SEMA5A: variants seen among roughly 807,000 people sequenced by gnomAD.
SEMA5A encodes semaphorin 5A.
SEMA5A carries 55 observed loss-of-function variants against 135.5 expected under a neutral mutation model. The ratio of observed to expected loss-of-function variants is 0.41; its 90% confidence interval spans 0.33 to 0.51. SEMA5A has a LOEUF of 0.51. Ranked by LOEUF, SEMA5A falls within the 20% of genes least tolerant of loss-of-function variation. The pLI is 0.37. For missense variants in SEMA5A, 1,290 were observed against 1,419.9 expected (o/e 0.91, Z 1.47); for synonymous variants, 580 against 546.5 (o/e 1.06, Z -0.85).
rs539286595 is a variant in SEMA5A, at chr5:9,196,511, G to A, written c.1068+657C>T. ...CTCTTTTTTAAGCTACCCAGTCGGT[G>A]GTGTTTTCTTACGGTAGTCCAAACT... On this transcript the variant is annotated intron_variant, in intron 10 of 22. Transcript: ENST00000382496. 2.0e-5 allele frequency among the ~76,000 whole-genome samples: 3 copies of A among 152,290 alleles called. No individual in the cohort carries two copies. In the South Asian group the frequency reaches 6.2e-4, roughly 32 times the overall value.
chr5:9,104,498 G>A (rs1579399743), intron 16 of SEMA5A, among the ~76,000 whole-genome samples: 1 of 152,234 alleles, frequency 6.6e-6, no homozygotes, highest in East Asian at 1.9e-4. Flanking sequence ...AGGGTTAAAA[G>A]GAAACACACA....
intron 1 of SEMA5A, among the ~76,000 whole-genome samples, chr5:9,531,026 G>T (rs1056371712): frequency 5.3e-5 from 8 of 152,102 alleles, no homozygotes; most frequent in African/African-American, 1.9e-4. Context: ...TATCCTGACT[G>T]CAAAGTGTTT....
chr5:9,404,281 C>T (rs559067022), intron 2 of SEMA5A, among the ~76,000 whole-genome samples: 1 of 152,080 alleles, frequency 6.6e-6, no homozygotes, highest in African/African-American at 2.4e-5. Context: ...TGTTCATTTT[C>T]CCACCTATGA....
intron 10 of SEMA5A, among the ~76,000 whole-genome samples, chr5:9,191,292 C>T (rs1341288059): frequency 1.3e-5 from 2 of 152,150 alleles, no homozygotes; most frequent in East Asian, 1.9e-4. Context: ...GAAATAAATT[C>T]AGAGCTGTGT....
intron 16 of SEMA5A, among the ~76,000 whole-genome samples, chr5:9,066,953 T>C (rs1737508453): frequency 6.6e-6 from 1 of 152,186 alleles, no homozygotes; most frequent in African/African-American, 2.4e-5. Context: ...TTCCTTTCAC[T>C]TAATGAGTAG....
Position 9,225,759 on chromosome 5 carries a change from G to A in SEMA5A, c.433-872C>T, listed in dbSNP as rs533213819. 1.4e-3 allele frequency among the ~76,000 whole-genome samples: 205 copies of A among 151,746 alleles called. 1 individual carries two copies. The highest frequency in any genetic ancestry group is 4.4e-3 in the Admixed American group (67 of 15,250). On this transcript the variant is annotated intron_variant, in intron 7 of 22. Coordinates refer to ENST00000382496, the MANE Select transcript of SEMA5A (RefSeq NM_003966.3). Reference sequence around the variant, plus strand: ...TAGCTAAGCGTCTTGGAGTCATTTCGTATGAATCCAGCTTCCCAAATGCTG... The same window carrying A: ...TAGCTAAGCGTCTTGGAGTCATTTCATATGAATCCAGCTTCCCAAATGCTG...
intron 1 of SEMA5A, among the ~76,000 whole-genome samples, chr5:9,492,601 C>T (rs1375736259): frequency 6.6e-6 from 1 of 152,172 alleles, no homozygotes; most frequent in Non-Finnish European, 1.5e-5. Context: ...CTAATGTTTG[C>T]AACATGCAAT....
intron 12 of SEMA5A, among the ~76,000 whole-genome samples, chr5:9,136,980 G>T (rs190327769): frequency 2.0e-5 from 3 of 152,074 alleles, no homozygotes; most frequent in Non-Finnish European, 4.4e-5. Context: ...ATGATCATCC[G>T]CCTCCTCTTT....
At chr5:9,295,217 G>C (rs527671823) in intron 5 of SEMA5A, among the ~76,000 whole-genome samples, 1 of 152,178 alleles carries the variant, frequency 6.6e-6, no homozygotes, top group South Asian at 2.1e-4. Context: ...AAGGATTTGG[G>C]GATTTCCATT....
chr5:9,198,562 C>A (rs570259439), intron 9 of SEMA5A, among the ~76,000 whole-genome samples: 1 of 152,248 alleles, frequency 6.6e-6, no homozygotes, highest in African/African-American at 2.4e-5. Flanking sequence ...AAAAGTAGGG[C>A]CTTGAGGGTA....
intron 2 of SEMA5A, among the ~76,000 whole-genome samples, chr5:9,406,046 G>A (rs755908465): frequency 1.3e-5 from 2 of 152,160 alleles, no homozygotes; most frequent in East Asian, 3.8e-4. Context: ...GGTACTACAG[G>A]TCTTCTGCCT....
intron 4 of SEMA5A, among the ~76,000 whole-genome samples, chr5:9,333,212 A>C (rs1357343106): frequency 6.6e-6 from 1 of 152,244 alleles, no homozygotes; most frequent in African/African-American, 2.4e-5. Context: ...GCACCTAAAT[A>C]GCCAGAAAGA....
intron 1 of SEMA5A, among the ~76,000 whole-genome samples, chr5:9,539,458 T>C (rs556978064): frequency 6.6e-6 from 1 of 152,344 alleles, no homozygotes; most frequent in African/African-American, 2.4e-5. Context: ...TAAAATATTC[T>C]AGGATGTCTA....
intron 5 of SEMA5A, among the ~76,000 whole-genome samples, chr5:9,311,145 A>G (rs1561133991): frequency 2.7e-5 from 2 of 73,232 alleles, no homozygotes; most frequent in Non-Finnish European, 9.5e-5. Flanking sequence ...ATTTCGCTCA[A>G]CGGGGGGGTC....
In SEMA5A at chr5:9,525,761, A is replaced by T. The variant is rs184570086; in HGVS notation, c.-175+19823T>A. Among the ~76,000 whole-genome samples, 9 of 152,356 alleles carry T rather than the reference A, an allele frequency of 5.9e-5. No individual in the cohort carries two copies. The East Asian group carries it at 1.7e-3, about 29-fold the overall frequency. On this transcript the variant is annotated intron_variant, in intron 1 of 22. Coordinates refer to ENST00000382496, the MANE Select transcript of SEMA5A (RefSeq NM_003966.3). Reference sequence around the variant, plus strand: ...CTTTGATAAGGTTTCAGAGATCAAAATTCTTTGAACACCAGACTGAGAAAT... The same window carrying T: ...CTTTGATAAGGTTTCAGAGATCAAATTTCTTTGAACACCAGACTGAGAAAT...
At chr5:9,420,972 C>T (rs762556338) in intron 2 of SEMA5A, among the ~76,000 whole-genome samples, 5 of 152,298 alleles carry the variant, frequency 3.3e-5, no homozygotes, top group Admixed American at 2.6e-4. Flanking sequence ...GTCGAGATCG[C>T]GCCACTGCAC....
chr5:9,181,443 G>A (rs1402332207), intron 11 of SEMA5A, among the ~76,000 whole-genome samples: 2 of 152,142 alleles, frequency 1.3e-5, no homozygotes, highest in African/African-American at 4.8e-5. Flanking sequence ...AAACTATTCT[G>A]TTGTTGCCTT....
At chr5:9,265,809 G>A (rs1303107540) in intron 5 of SEMA5A, among the ~76,000 whole-genome samples, 2 of 152,160 alleles carry the variant, frequency 1.3e-5, no homozygotes, top group African/African-American at 2.4e-5. Flanking sequence ...AGCAAGCCCT[G>A]GCTGGCTCTC....
rs4045370 is a variant in SEMA5A, at chr5:9,532,440, C to CT, written c.-175+13143dup. Among the ~76,000 whole-genome samples the CT allele has an allele frequency of 4.1e-3, 514 of 125,134 alleles. 1 individual carries two copies. The highest frequency in any genetic ancestry group is 5.4e-3 in the African/African-American group (177 of 32,606). 82.1% of individuals were successfully genotyped at this position (125,134 alleles called of 152,430 possible). On this transcript the variant is annotated intron_variant, in intron 1 of 22. Coordinates refer to ENST00000382496, the MANE Select transcript of SEMA5A (RefSeq NM_003966.3). ...GCCACCATGCCCAGTTAATTTTTTT[C>CT]TTTTTTTTTTTTTTTTTTTGTATTT...
Sources: gnomAD v4.1 joint callset for allele counts (sites outside exome capture counted in the v4.1 genomes callset) on GRCh38, gnomAD v4.1.1 for gene constraint, MANE v1.5 for transcripts, NCBI Gene and HGNC (gene_info 2026-07-23, HGNC 2026-07-21) for gene names.